NUMA1: variants seen among roughly 807,000 people sequenced by gnomAD.
NUMA1 encodes the protein nuclear mitotic apparatus protein 1, also known as SP-H antigen.
In NUMA1, 62 loss-of-function variants were observed where a neutral mutation model predicts 237.1. That is an observed-to-expected ratio of 0.26 (90% CI 0.21 to 0.32). The LOEUF (loss-of-function observed/expected upper bound fraction) is 0.32. NUMA1 is among the 10% of genes least tolerant of loss of function. NUMA1 has a pLI of 1.00. For synonymous variants in NUMA1, 1,028 were observed against 1,066.1 expected (o/e 0.96, Z 0.70); for missense variants, 2,533 against 2,666.5 (o/e 0.95, Z 1.10).
chr11:72,029,655 A>G (rs916708302), intron 3 of NUMA1, among the ~76,000 whole-genome samples: 11 of 152,352 alleles, frequency 7.2e-5, no homozygotes, highest in African/African-American at 2.4e-4. Context: ...AGGCTCTTAC[A>G]TTATAACTCT....
intron 22 of NUMA1, 28 bp downstream of exon 22, chr11:72,006,007 G>T (rs1397141187): frequency 1.3e-6 from 2 of 1,536,692 alleles, no homozygotes; most frequent in African/African-American, 1.4e-5. Context: ...TAATTTTGGG[G>T]TATAGTAAGT....
rs73533775 is a variant in NUMA1, at chr11:72,030,801, A to G, written c.43-1511T>C. Among the ~76,000 whole-genome samples the G allele has an allele frequency of 5.6e-3, 849 of 152,304 alleles. 5 individuals are homozygous for G. Among genetic ancestry groups the G allele is most frequent in the African/African-American group, 0.019 (807 of 41,564 alleles). On this transcript the variant is annotated intron_variant, in intron 3 of 26. Transcript: ENST00000393695. ...TCTATTGCTTACAAATGTGTTCTCTATATTTGGGCTGGGAGCCAGTACATA... is the reference window on the plus strand; with the variant it reads ...TCTATTGCTTACAAATGTGTTCTCTGTATTTGGGCTGGGAGCCAGTACATA...
chr11:72,077,417 T>C (rs926984810), intron 1 of NUMA1, among the ~76,000 whole-genome samples: 15 of 152,178 alleles, frequency 9.9e-5, no homozygotes, highest in African/African-American at 3.6e-4. Flanking sequence ...GCAAGCATAG[T>C]TCTCAAGAGT....
intron 1 of NUMA1, among the ~76,000 whole-genome samples, chr11:72,080,088 A>C (rs549260351): frequency 1.3e-5 from 2 of 152,292 alleles, no homozygotes; most frequent in Non-Finnish European, 2.9e-5. Context: ...AGCTCAGAAA[A>C]TGCTGACTAC....
At position 72,004,772 on chromosome 11, in the gene NUMA1, A is replaced by G. The variant is rs1041775308; in HGVS notation, c.5874T>C (p.Thr1958=). 1 of 1,599,174 alleles carries G rather than the reference A, an allele frequency of 6.3e-7. No individual in the cohort carries two copies. Among genetic ancestry groups the G allele is most frequent in the South Asian group, 1.1e-5 (1 of 88,954 alleles). Residue 1958 remains threonine (T), a synonymous_variant, in exon 24 of 27, where the codon ACT becomes ACC. Transcript: ENST00000393695. ...GGCGCAGGGTCTCTTGGGGGTCTCC[A>G]GTTTTCATCTCCTCATCTGTGATGG... is the stretch of plus-strand genomic sequence containing the variant. The part of the protein sequence containing the change: ...LGTITDEEMK[T]GDPQETLRRA...
chr11:72,009,634 T>C (rs916736954), intron 17 of NUMA1, among the ~76,000 whole-genome samples: 1 of 152,224 alleles, frequency 6.6e-6, no homozygotes, highest in Non-Finnish European at 1.5e-5. Context: ...TTTGCCTTCT[T>C]TGAGACCAGA....
In NUMA1 at chr11:72,016,139, C is replaced by T. The variant is rs34441100; in HGVS notation, c.1364G>A (p.Gly455Asp). The T allele has an allele frequency of 1.9e-6, 3 of 1,614,008 alleles. No individual in the cohort carries two copies. The highest frequency in any genetic ancestry group is 2.7e-5 in the African/African-American group (2 of 75,056). ...QQEAKLLAERGHFEEEKQQLS... is the reference protein window; with the variant it reads ...QQEAKLLAERDHFEEEKQQLS... ...CTGCTGCTTTTCTTCTTCGAAGTGG[C>T]CCCGCTCAGCAAGCAGCTTGGCTTC... Residue 455 changes from glycine to aspartate, a missense_variant, in exon 15 of 27, where the codon GGC (glycine) becomes GAC (aspartate). This residue lies in a region of NUMA1 where 1,414 missense variants were observed against 1,508.1 expected (regional missense o/e 0.94). Transcript: ENST00000393695.
In NUMA1 at chr11:72,010,767, A is replaced by T; in HGVS notation, c.4719+19T>A. On this transcript the variant is annotated intron_variant, in intron 17 of 26. Coordinates refer to ENST00000393695, the MANE Select transcript of NUMA1 (RefSeq NM_006185.4). ...CCTCCCTTGTCCAGAGGCCAGACCC[A>T]TTCCCCCAGCTGCCCCACCTTCAGC... 1 of 1,610,036 alleles carries T rather than the reference A, an allele frequency of 6.2e-7. No homozygotes were observed. The highest frequency in any genetic ancestry group is 8.5e-7 in the Non-Finnish European group (1 of 1,179,136).
At chr11:72,052,022 G>A (rs775533396) in intron 2 of NUMA1, among the ~76,000 whole-genome samples, 2 of 152,162 alleles carry the variant, frequency 1.3e-5, no homozygotes, top group Non-Finnish European at 2.9e-5. Context: ...CAACAGTGAG[G>A]CCAGAGGCAG....
Position 72,014,982 on chromosome 11 carries a change from C to T in NUMA1, c.2521G>A (p.Glu841Lys), listed in dbSNP as rs1481566881. The T allele has an allele frequency of 1.9e-6, 3 of 1,614,064 alleles. No individual in the cohort carries two copies. Among genetic ancestry groups the T allele is most frequent in the Non-Finnish European group, 2.5e-6 (3 of 1,180,036 alleles). Residue 841 changes from glutamate to lysine, a missense_variant, in exon 15 of 27, where the codon GAA becomes AAA. This residue lies in a region of NUMA1 where 1,414 missense variants were observed against 1,508.1 expected (regional missense o/e 0.94). Transcript: ENST00000393695. This position sits in a 1 kb window ranked among gnomAD's most constrained non-coding sequence, Gnocchi z 4.6. Reference protein sequence around the residue: ...FQEQLMTLKEECEKARQELQE... With the variant: ...FQEQLMTLKEKCEKARQELQE... ...AGCTCCTGGCGGGCCTTCTCACATT[C>T]CTCCTTCAAAGTCATCAGCTGTTCC...
In NUMA1 at chr11:72,009,282, G is replaced by A. The variant is rs1228546826; in HGVS notation, c.4825C>T (p.His1609Tyr). The A allele has an allele frequency of 1.2e-6, 2 of 1,613,218 alleles. No homozygotes were observed. The highest frequency in any genetic ancestry group is 1.7e-5 in the Admixed American group (1 of 59,982). The change falls in exon 18 of 27, where the codon CAC becomes TAC. Residue 1609 changes from histidine (H) to tyrosine (Y), a missense_variant. Around this residue, in one of 3 missense-constraint regions of NUMA1, gnomAD observed 795 missense variants for 750.8 expected, o/e 1.06. Coordinates refer to ENST00000393695, the MANE Select transcript of NUMA1 (RefSeq NM_006185.4). ...GGGCTCCTTACCTGCAGCTTATAGT[G>A]CTCAGCTGCCTGCTCCTTCTGGCTC... ...QLSQKEQAAE[H>Y]YKLQMEKAKT...
In NUMA1 at chr11:72,018,959, A is replaced by T. The variant is rs1479640157; in HGVS notation, c.606T>A (p.Ala202=). Residue 202 remains alanine, a synonymous_variant, in exon 10 of 27, where the codon GCT becomes GCA. Transcript: ENST00000393695. ...SGNNFLSGSP[A]SPMGDILQTP... ...TCTGCAGGATATCACCCATGGGAGA[A>T]GCTGGAGAACCTGAGAGAAAGCTGA... The T allele has an allele frequency of 1.2e-6, 2 of 1,613,896 alleles. No individual in the cohort carries two copies. Among genetic ancestry groups the T allele is most frequent in the African/African-American group, 2.7e-5 (2 of 74,896 alleles).
intron 2 of NUMA1, among the ~76,000 whole-genome samples, chr11:72,051,799 A>G (rs774186204): frequency 6.6e-6 from 1 of 152,284 alleles, no homozygotes. Context: ...TTGAGTTTAT[A>G]ATCTTGTAGA....
At position 72,008,691 on chromosome 11, in the gene NUMA1, G is replaced by A. The variant is rs762405364; in HGVS notation, c.5213C>T (p.Thr1738Ile). 1 of 1,614,118 alleles carries A rather than the reference G, an allele frequency of 6.2e-7. No homozygotes were observed. Among genetic ancestry groups the A allele is most frequent in the South Asian group, 1.1e-5 (1 of 91,084 alleles). The change falls in exon 20 of 27, where the codon ACC (threonine) becomes ATC (isoleucine). Residue 1738 changes from threonine (T) to isoleucine (I), a missense_variant. Thr to Ile is a moderately conservative substitution (Grantham distance 89, BLOSUM62 -1). Coordinates refer to ENST00000393695, the MANE Select transcript of NUMA1 (RefSeq NM_006185.4). ...SCEEGTPLSI[T>I]SKLPRTQPDG... ...GGGAGGAAGGCTGCCTCCTGACCTG[G>A]TGATACTGAGTGGGGTCCCCTCCTC...
At chr11:72,068,740 T>A (rs772176295) in intron 2 of NUMA1, 14 of 152,212 alleles carry the variant, frequency 9.2e-5, no homozygotes, top group Non-Finnish European at 1.3e-4. Context: ...ACATTTCTAA[T>A]CTTATTAAAT....
At position 72,014,853 on chromosome 11, in the gene NUMA1, C is replaced by T; in HGVS notation, c.2650G>A (p.Ala884Thr). The T allele has an allele frequency of 2.5e-6, 4 of 1,614,238 alleles. No individual in the cohort carries two copies. Among genetic ancestry groups the T allele is most frequent in the Non-Finnish European group, 3.4e-6 (4 of 1,180,046 alleles). Reference protein sequence around the residue: ...LAELHANLARALQQVQEKEVR... With the variant: ...LAELHANLARTLQQVQEKEVR... ...TCCTTCTCTTGGACCTGCTGGAGTG[C>T]TCTGGCCAGGTTGGCATGGAGCTCA... Residue 884 changes from alanine (A) to threonine (T), a missense_variant, in exon 15 of 27, where the codon GCA becomes ACA. Ala to Thr is a moderately conservative substitution (Grantham distance 58, BLOSUM62 0). Around this residue, in one of 3 missense-constraint regions of NUMA1, gnomAD observed 1,414 missense variants for 1,508.1 expected, o/e 0.94. Coordinates refer to ENST00000393695, the MANE Select transcript of NUMA1 (RefSeq NM_006185.4). This position sits in a 1 kb window ranked among gnomAD's most constrained non-coding sequence, Gnocchi z 4.6.
chr11:72,048,999 C>T (rs1942160088), intron 2 of NUMA1, among the ~76,000 whole-genome samples: 1 of 152,110 alleles, frequency 6.6e-6, no homozygotes, highest in East Asian at 1.9e-4. Flanking sequence ...AAGTCTGAGG[C>T]TTCCTGGAGA....
intron 21 of NUMA1, 131 bp from the exon 22 acceptor site, chr11:72,006,394 A>AGT (rs370383187): frequency 1.4e-6 from 1 of 712,384 alleles, no homozygotes; most frequent in African/African-American, 1.8e-5. Context: ...AGGTCCTTAA[A>AGT]GTGTGTGTCT....
chr11:72,055,979 C>T (rs1591053538), intron 2 of NUMA1, among the ~76,000 whole-genome samples: 1 of 146,698 alleles, frequency 6.8e-6, no homozygotes, highest in Admixed American at 6.6e-5. Flanking sequence ...CACACACACA[C>T]ACACACACAC....
Sources: gnomAD v4.1 joint callset for allele counts (sites outside exome capture counted in the v4.1 genomes callset) on GRCh38, gnomAD v4.1.1 for gene constraint, gnomAD v4.1.1 regional missense constraint, Gnocchi (gnomAD v3.1) non-coding constraint, MANE v1.5 for transcripts, NCBI Gene and HGNC (gene_info 2026-07-23, HGNC 2026-07-21) for gene names.